The following MCF2L variants were observed in gnomAD, a reference collection of about 807,000 sequenced individuals.
MCF2L encodes guanine nucleotide exchange factor DBS.
MCF2L carries 97 observed loss-of-function variants against 153.4 expected under a neutral mutation model. The observed-to-expected ratio is 0.63, with a 90% CI of 0.54 to 0.75. The LOEUF (loss-of-function observed/expected upper bound fraction) is 0.75, where lower values mean the gene tolerates loss of function less well. Ranked by LOEUF, MCF2L falls within the 30% of genes least tolerant of loss-of-function variation. The probability of loss-of-function intolerance (pLI) is 0.00; values close to 1 mark genes in which losing one functional copy is unlikely to be tolerated. For missense variants in MCF2L, 1,347 were observed against 1,495.2 expected, an observed-to-expected ratio of 0.90 and a Z score of 1.64; for synonymous variants, 659 against 632.2, an observed-to-expected ratio of 1.04 and a Z score of -0.64.
At chr13:113,005,815 A>T (rs1184273512) in intron 1 of MCF2L, among the ~76,000 whole-genome samples, 1 of 152,200 alleles carries the variant, frequency 6.6e-6, no homozygotes, top group Non-Finnish European at 1.5e-5. Flanking sequence ...TCACAACGTG[A>T]ACTATATCAA....
chr13:113,095,408 G>A, intron 27 of MCF2L: 1 of 1,094,526 alleles, frequency 9.1e-7, no homozygotes, highest in African/African-American at 1.7e-5. Flanking sequence ...ACAGATGTGG[G>A]GGACACAGAG....
chr13:113,078,277 C>G, intron 13 of MCF2L, 86 bp from the exon 14 acceptor site: 1 of 1,108,602 alleles, frequency 9.0e-7, no homozygotes, highest in Non-Finnish European at 1.4e-6. Flanking sequence ...CCTACCCTCT[C>G]CTCGGGGCCT....
At chr13:112,914,011 G>A (rs1031362063) in intron 2 of MCF2L, among the ~76,000 whole-genome samples, 9 of 152,128 alleles carry the variant, frequency 5.9e-5, no homozygotes, top group African/African-American at 1.4e-4. Flanking sequence ...GTAATTCCCC[G>A]TTAGCATCCC....
chr13:113,087,670 T>C (rs760835051), intron 22 of MCF2L, 37 bp from the exon 23 acceptor site: 4 of 1,521,722 alleles, frequency 2.6e-6, no homozygotes, highest in Non-Finnish European at 3.6e-6. Context: ...GTGGGTTCAC[T>C]GTGCACGCGA....
intron 1 of MCF2L, among the ~76,000 whole-genome samples, chr13:112,985,728 G>T (rs1461562845): frequency 6.6e-6 from 1 of 152,230 alleles, no homozygotes; most frequent in East Asian, 1.9e-4. Context: ...ACCTCCTTTT[G>T]TCTGGCAAGC....
At chr13:113,003,678 C>G (rs1315715847) in intron 1 of MCF2L, among the ~76,000 whole-genome samples, 1 of 152,162 alleles carries the variant, frequency 6.6e-6, no homozygotes, top group Non-Finnish European at 1.5e-5. Flanking sequence ...TGATCAGACC[C>G]GGGACCTGCT....
At chr13:112,920,966 G>A (rs957989592) in intron 2 of MCF2L, among the ~76,000 whole-genome samples, 1 of 151,286 alleles carries the variant, frequency 6.6e-6, no homozygotes, top group Non-Finnish European at 1.5e-5. Flanking sequence ...AGGAGATTGA[G>A]ACCATCCTGG....
rs375863848 is a variant in MCF2L at position 113,089,602 on chromosome 13, G to A, written c.2835-8G>A. On this transcript the variant is annotated splice_region_variant and splice_polypyrimidine_tract_variant and intron_variant, in intron 25 of 29. Transcript: ENST00000535094. The stretch of plus-strand genomic sequence containing the variant: ...CTATTTCCTTTTTGATTTGTCTGAT[G>A]TCATCAGTCCCTCAAGAGGAAACTC... The A allele has an allele frequency of 6.3e-6, 10 of 1,578,548 alleles. No individual in the cohort carries two copies. The highest frequency in any genetic ancestry group is 8.7e-6 in the Non-Finnish European group (10 of 1,148,276).
In MCF2L at chr13:112,902,358, G is replaced by A. The variant is rs574905114; in HGVS notation, c.156G>A (p.Thr52=). 42 of 1,612,430 alleles carry A rather than the reference G, an allele frequency of 2.6e-5. No homozygotes were observed. The African/African-American group carries it at 4.7e-4, about 18-fold the overall frequency. ...TTGTTCAAGACACACCGGAGGCGACGGCCATGGCCACAGGTAGGCGCCTGG... is the reference window on the plus strand; with the variant it reads ...TTGTTCAAGACACACCGGAGGCGACAGCCATGGCCACAGGTAGGCGCCTGG... The change falls in exon 2 of 30, where the codon ACG becomes ACA. Residue 52 remains threonine (T), a synonymous_variant. Transcript: ENST00000375608.
intron 1 of MCF2L, among the ~76,000 whole-genome samples, chr13:112,982,263 C>T (rs559847421): frequency 4.8e-4 from 73 of 152,264 alleles, no homozygotes; most frequent in African/African-American, 1.7e-3. Flanking sequence ...GAGCTGGGGC[C>T]GAAGGCACAG....
chr13:112,961,192 G>A (rs2081821645), intron 2 of MCF2L, among the ~76,000 whole-genome samples: 1 of 152,200 alleles, frequency 6.6e-6, no homozygotes, highest in Admixed American at 6.5e-5. Context: ...GATGCGGGCT[G>A]CTAAGCTTTC....
intron 3 of MCF2L, among the ~76,000 whole-genome samples, chr13:113,039,308 A>G (rs1351145617): frequency 6.6e-6 from 1 of 152,214 alleles, no homozygotes; most frequent in African/African-American, 2.4e-5. Flanking sequence ...AGTTAATTCC[A>G]AATAGATCAC....
At chr13:113,013,894 TTGCTGGCCCCATGCTCCCGGCTGG>T (rs1398567707) in intron 1 of MCF2L, among the ~76,000 whole-genome samples, 1 of 152,170 alleles carries the variant, frequency 6.6e-6, no homozygotes, top group African/African-American at 2.4e-5. Flanking sequence ...CTGGAGGGTC[TTGCTGGCCCCATGCTCCCGGCTGG>T]TGCTGGCTCC....
intron 3 of MCF2L, among the ~76,000 whole-genome samples, chr13:113,040,195 A>G (rs11842874): frequency 0.12 from 17,855 of 152,236 alleles, 1,405 homozygotes; most frequent in African/African-American, 0.22. Context: ...TATGGTGACA[A>G]GAGTCGGGAT....
chr13:113,025,167 T>A (rs1348921528), intron 3 of MCF2L, among the ~76,000 whole-genome samples: 2 of 102,698 alleles, frequency 1.9e-5, no homozygotes, highest in Non-Finnish European at 4.1e-5. Flanking sequence ...CCCGTGACTG[T>A]GGGTCAGGGC....
intron 2 of MCF2L, among the ~76,000 whole-genome samples, chr13:112,929,030 C>T (rs1341519012): frequency 6.6e-6 from 1 of 152,216 alleles, no homozygotes; most frequent in Non-Finnish European, 1.5e-5. Context: ...CTGAGCTACT[C>T]AGCGTGCAGA....
At chr13:113,093,295 T>C (rs2035375803) in intron 26 of MCF2L, among the ~76,000 whole-genome samples, 1 of 152,232 alleles carries the variant, frequency 6.6e-6, no homozygotes, top group African/African-American at 2.4e-5. Context: ...CTCACACAGA[T>C]GCAGGCCTGG....
Position 113,075,036 on chromosome 13 carries a change from C to T in MCF2L, c.1155C>T (p.Gly385=), listed in dbSNP as rs143909527. ...VERARALSLD[G]EQLIGNKHYA... ...GGGCCCGGGCCCTGTCTCTGGACGG[C>T]GAGCAGCTCATTGGGAACAAGCACT... The change falls in exon 11 of 30, where the codon GGC becomes GGT. Residue 385 remains glycine, a synonymous_variant. Coordinates refer to ENST00000535094, the MANE Select transcript of MCF2L (RefSeq NM_001112732.3). 1,995 of 1,611,282 alleles carry T rather than the reference C, an allele frequency of 1.2e-3. 2 individuals are homozygous for T. Among genetic ancestry groups the T allele is most frequent in the Non-Finnish European group, 1.6e-3 (1,871 of 1,178,210 alleles).
chr13:113,042,477 T>C (rs1566787151), intron 3 of MCF2L: 2 of 152,272 alleles, frequency 1.3e-5, no homozygotes, highest in African/African-American at 4.8e-5. Context: ...TTTGTGATAC[T>C]GGTGTTCCCA....
Sources: allele counts gnomAD v4.1 joint callset (sites outside exome capture counted in the v4.1 genomes callset), GRCh38; gene constraint gnomAD v4.1.1; transcripts MANE v1.5; gene names NCBI Gene and HGNC (gene_info 2026-07-23, HGNC 2026-07-21).